CLOCK: variants seen among roughly 807,000 people sequenced by gnomAD.
CLOCK encodes the protein circadian locomoter output cycles protein kaput.
Under a neutral mutation model 118.4 loss-of-function variants are expected in CLOCK, and 43 were observed. The ratio of observed to expected loss-of-function variants is 0.36; its 90% CI spans 0.28 to 0.47. The LOEUF (loss-of-function observed/expected upper bound fraction) is 0.47, where lower values mean the gene tolerates loss of function less well. Among genes scored for constraint, CLOCK ranks in the 20% least tolerant of loss-of-function variants. CLOCK has a pLI of 1.00. For synonymous variants in CLOCK, 326 were observed against 339.2 expected (o/e 0.96, Z 0.43); for missense variants, 846 against 999.9 (o/e 0.85, Z 2.08).
At chr4:55,444,507 A>G in intron 19 of CLOCK, 126 bp downstream of exon 19, 1 of 1,118,544 alleles carries the variant, frequency 8.9e-7, no homozygotes, top group Non-Finnish European at 1.3e-6. Flanking sequence ...TAACCAGTGA[A>G]TATTTATTGA....
intron 1 of CLOCK, among the ~76,000 whole-genome samples, chr4:55,541,275 G>A (rs1478410872): frequency 6.6e-6 from 1 of 152,172 alleles, no homozygotes; most frequent in East Asian, 1.9e-4. Context: ...TGTAATTATA[G>A]TCAATTAGTA....
At chr4:55,442,310 C>T (rs528151265) in intron 21 of CLOCK, 122 bp downstream of exon 21, 2 of 809,312 alleles carry the variant, frequency 2.5e-6, no homozygotes, top group Non-Finnish European at 4.1e-6. Flanking sequence ...AATTTAAGAA[C>T]ATTGGCTGCA....
intron 1 of CLOCK, among the ~76,000 whole-genome samples, chr4:55,541,787 C>CT (rs1333306166): frequency 7.2e-5 from 11 of 151,902 alleles, no homozygotes; most frequent in African/African-American, 1.2e-4. Flanking sequence ...AGCGGGAAAG[C>CT]TTAAAAAAAA....
chr4:55,471,901 T>A (rs1393485467), intron 7 of CLOCK, among the ~76,000 whole-genome samples: 5 of 151,910 alleles, frequency 3.3e-5, no homozygotes, highest in Admixed American at 6.6e-5. Flanking sequence ...GGCGAAACCT[T>A]GTCTCTGAAA....
At chr4:55,502,014 C>T (rs1471196621) in intron 2 of CLOCK, among the ~76,000 whole-genome samples, 1 of 152,110 alleles carries the variant, frequency 6.6e-6, no homozygotes, top group Non-Finnish European at 1.5e-5. Flanking sequence ...CAACAAAAGA[C>T]ATATAAGACC....
At position 55,462,976 on chromosome 4, in the gene CLOCK, G is replaced by A. The variant is rs180810348; in HGVS notation, c.559+709C>T. Among the ~76,000 whole-genome samples, 104 of 152,132 alleles carry A rather than the reference G, an allele frequency of 6.8e-4. 2 individuals carry two copies. Among genetic ancestry groups the A allele is most frequent in the South Asian group, 2.1e-4 (1 of 4,812 alleles). Reference sequence around the variant, plus strand: ...AGACACATTTAAAAATAATGAAAAAGGTGATTAAACAAGGTATCTAATAGC... The same window carrying A: ...AGACACATTTAAAAATAATGAAAAAAGTGATTAAACAAGGTATCTAATAGC... On this transcript the variant is annotated intron_variant, in intron 9 of 22. Transcript: ENST00000513440.
At chr4:55,529,392 T>C (rs940412666) in intron 1 of CLOCK, among the ~76,000 whole-genome samples, 2 of 152,132 alleles carry the variant, frequency 1.3e-5, no homozygotes, top group Non-Finnish European at 1.5e-5. Flanking sequence ...ACTCCTAGCT[T>C]CAAGCAATCC....
intron 2 of CLOCK, among the ~76,000 whole-genome samples, chr4:55,506,425 A>G (rs1257426947): frequency 6.6e-6 from 1 of 152,138 alleles, no homozygotes; most frequent in Non-Finnish European, 1.5e-5. Flanking sequence ...GAATTCTTAA[A>G]AAAAACCATA....
At chr4:55,494,938 T>C (rs958797075) in intron 2 of CLOCK, among the ~76,000 whole-genome samples, 32 of 152,316 alleles carry the variant, frequency 2.1e-4, no homozygotes, top group African/African-American at 7.5e-4. Flanking sequence ...AATAAATTTG[T>C]ATTGTCTTAA....
chr4:55,528,809 T>C (rs1441533022), intron 1 of CLOCK, among the ~76,000 whole-genome samples: 1 of 152,170 alleles, frequency 6.6e-6, no homozygotes, highest in Non-Finnish European at 1.5e-5. Context: ...GTTAACAAAC[T>C]GAACAGAAAG....
At chr4:55,478,221 T>A (rs1182676646) in intron 6 of CLOCK, among the ~76,000 whole-genome samples, 1 of 152,138 alleles carries the variant, frequency 6.6e-6, no homozygotes, top group Admixed American at 6.5e-5. Flanking sequence ...TTTGTCAAGA[T>A]GATTTTCTTC....
intron 1 of CLOCK, among the ~76,000 whole-genome samples, chr4:55,511,186 A>T (rs1054015683): frequency 2.6e-5 from 4 of 152,176 alleles, no homozygotes; most frequent in Non-Finnish European, 4.4e-5. Context: ...ACAATTACTA[A>T]GCACTTTACT....
intron 1 of CLOCK, among the ~76,000 whole-genome samples, chr4:55,537,767 A>G (rs1347352533): frequency 6.6e-6 from 1 of 152,204 alleles, no homozygotes; most frequent in African/African-American, 2.4e-5. Context: ...GTACTGCCTG[A>G]GCAGTAGTGA....
At chr4:55,448,022 C>T (rs1259155595) in intron 18 of CLOCK, among the ~76,000 whole-genome samples, 2 of 152,190 alleles carry the variant, frequency 1.3e-5, no homozygotes, top group African/African-American at 4.8e-5. Context: ...TTTCCACATT[C>T]AGGCCTCCTT....
chr4:55,509,669 A>T (rs1252953416), intron 2 of CLOCK, among the ~76,000 whole-genome samples: 2 of 152,236 alleles, frequency 1.3e-5, no homozygotes, highest in Non-Finnish European at 2.9e-5. Flanking sequence ...ACTTTTGAGC[A>T]CTAGTTTTGA....
chr4:55,530,435 T>A (rs888526727), intron 1 of CLOCK, among the ~76,000 whole-genome samples: 1 of 152,130 alleles, frequency 6.6e-6, no homozygotes, highest in African/African-American at 2.4e-5. Context: ...ATGCAAGAAT[T>A]CACAATATTT....
intron 2 of CLOCK, among the ~76,000 whole-genome samples, chr4:55,505,494 T>A (rs891483993): frequency 6.6e-6 from 1 of 151,760 alleles, no homozygotes; most frequent in Non-Finnish European, 1.5e-5. Flanking sequence ...CAAAACCCCT[T>A]ATCTACTAAA....
chr4:55,458,961 A>G lies in CLOCK; in HGVS notation c.723T>C (p.His241=). 2 of 1,613,922 alleles carry G rather than the reference A, an allele frequency of 1.2e-6. No homozygotes were observed. Among genetic ancestry groups the G allele is most frequent in the Non-Finnish European group, 8.5e-7 (1 of 1,179,914 alleles). The change falls in exon 11 of 23, where the codon CAT becomes CAC. Residue 241 remains histidine (H), a synonymous_variant. Coordinates refer to ENST00000513440, the MANE Select transcript of CLOCK (RefSeq NM_004898.4). The part of the protein sequence containing the change: ...NGFEGTIQRT[H]RPSYEDRVCF... ...AAACTCTATCTTCATAAGATGGCCT[A>G]TGTGTGCGTTGTATAGTTCCTTCAA...
At chr4:55,512,421 C>A (rs1729220151) in intron 1 of CLOCK, among the ~76,000 whole-genome samples, 1 of 151,974 alleles carries the variant, frequency 6.6e-6, no homozygotes, top group Admixed American at 6.6e-5. Context: ...CATTTTTTAA[C>A]TGGTTTGTTG....
Sources: allele counts gnomAD v4.1 joint callset (sites outside exome capture counted in the v4.1 genomes callset), GRCh38; gene constraint gnomAD v4.1.1; transcripts MANE v1.5; gene names NCBI Gene and HGNC (gene_info 2026-07-23, HGNC 2026-07-21).